The following COL16A1 variants were observed in gnomAD, a reference collection of about 807,000 sequenced individuals.
COL16A1 encodes the protein collagen type XVI alpha 1 chain.
In COL16A1, 189 loss-of-function variants were observed where a neutral mutation model predicts 266.3. The ratio of observed to expected loss-of-function variants is 0.71; its 90% confidence interval spans 0.63 to 0.80. The LOEUF (loss-of-function observed/expected upper bound fraction) is 0.80. COL16A1 is among the 30% of genes least tolerant of loss of function. COL16A1 has a pLI of 0.00. For missense variants in COL16A1, 1,928 were observed against 2,122.4 expected, an observed-to-expected ratio of 0.91 and a Z score of 1.80; for synonymous variants, 740 against 782.3, an observed-to-expected ratio of 0.95 and a Z score of 0.90.
In COL16A1 at chr1:31,662,381, C is replaced by G. The variant is rs542852379; in HGVS notation, c.3634G>C (p.Ala1212Pro). The G allele has an allele frequency of 1.2e-6, 2 of 1,612,312 alleles. No homozygotes were observed. Among genetic ancestry groups the G allele is most frequent in the Non-Finnish European group, 8.5e-7 (1 of 1,179,294 alleles). The change falls in exon 58 of 71, where the codon GCC becomes CCC. Residue 1212 changes from alanine (A) to proline (P), a missense_variant. This residue lies in a region of COL16A1 where 1,552 missense variants were observed against 1,637.2 expected (regional missense o/e 0.95). Transcript: ENST00000373672. ...PPGPPGIQGPAGLDGLDGKDG... is the reference protein window; with the variant it reads ...PPGPPGIQGPPGLDGLDGKDG... ...TTCCCATCCAAACCATCCAGACCGGCGGGGCCCTGGAAACAGGAAAGAGGC... is the reference window on the plus strand; with the variant it reads ...TTCCCATCCAAACCATCCAGACCGGGGGGGCCCTGGAAACAGGAAAGAGGC...
intron 37 of COL16A1, 111 bp from the exon 38 acceptor site, chr1:31,681,178 G>A (rs1464855560): frequency 6.9e-7 from 1 of 1,440,230 alleles, no homozygotes; most frequent in Non-Finnish European, 9.2e-7. Flanking sequence ...GGTTCCCCTG[G>A]AGCCCAGGGC....
chr1:31,679,331 T>C, intron 42 of COL16A1: 2 of 1,361,150 alleles, frequency 1.5e-6, no homozygotes, highest in Non-Finnish European at 2.0e-6. Flanking sequence ...TGAATGCTAC[T>C]CCAAAACAGT....
chr1:31,688,670 GA>G lies in COL16A1; in HGVS notation c.1768-169del. 7.9e-6 allele frequency: 9 copies of G among 1,139,014 alleles called. No individual in the cohort carries two copies. The highest frequency in any genetic ancestry group is 1.2e-5 in the Non-Finnish European group (9 of 773,976). The allele number at this position is 1,139,014 out of a possible 1,614,324, so 70.6% of individuals were successfully genotyped here. On this transcript the variant is annotated intron_variant, in intron 25 of 70. Coordinates refer to ENST00000373672, the MANE Select transcript of COL16A1 (RefSeq NM_001856.4). This position sits in a 1 kb window ranked among gnomAD's most constrained non-coding sequence, Gnocchi z 4.9. ...CAACTGAAGCTAGAGGTGCTAAGAG[GA>G]AGTTCCAGGGCAAGGAGCCTGGGGC...
At chr1:31,661,570 C>T in intron 59 of COL16A1, 90 bp downstream of exon 59, 1 of 1,611,972 alleles carries the variant, frequency 6.2e-7, no homozygotes, top group Non-Finnish European at 8.5e-7. Flanking sequence ...ATAACACGGT[C>T]CACGGAGGAT....
Position 31,661,909 on chromosome 1 carries a change from T to C in COL16A1, c.3682-205A>G, listed in dbSNP as rs542419539. 9.4e-6 allele frequency: 6 copies of C among 639,976 alleles called. No individual in the cohort carries two copies. The South Asian group carries it at 1.0e-4, about 11-fold the overall frequency. 39.6% of individuals were successfully genotyped at this position (639,976 alleles called of 1,614,324 possible). On this transcript the variant is annotated intron_variant, in intron 58 of 70. Transcript: ENST00000373672. Reference sequence around the variant, plus strand: ...GCCTTAGCTTTCCTTCTTTGGGATATATAAGGGGGTTGACTTTGATGTTCT... The same window carrying C: ...GCCTTAGCTTTCCTTCTTTGGGATACATAAGGGGGTTGACTTTGATGTTCT...
chr1:31,688,163 G>C lies in COL16A1; in HGVS notation c.1803+304C>G, dbSNP rs1251040477. Among the ~76,000 whole-genome samples, 1 of 152,132 alleles carries C rather than the reference G, an allele frequency of 6.6e-6. No homozygotes were observed. Among genetic ancestry groups the C allele is most frequent in the Admixed American group, 6.5e-5 (1 of 15,274 alleles). ...ATATACTTACAAGATTTGGAATAGT[G>C]CCCGGCACATCATAAGCAATAAAGA... On this transcript the variant is annotated intron_variant, in intron 26 of 70. Transcript: ENST00000373672. This position sits in a 1 kb window ranked among gnomAD's most constrained non-coding sequence, Gnocchi z 4.9.
chr1:31,676,182 G>T (rs7540151), intron 42 of COL16A1, among the ~76,000 whole-genome samples: 1 of 152,120 alleles, frequency 6.6e-6, no homozygotes, highest in African/African-American at 2.4e-5. Flanking sequence ...AAAGTTAGCA[G>T]GGCATGGTGG....
intron 16 of COL16A1, 81 bp from the exon 17 acceptor site, chr1:31,692,148 C>T: frequency 6.3e-7 from 1 of 1,597,738 alleles, no homozygotes; most frequent in Non-Finnish European, 8.6e-7. Context: ...GGAGGGACAA[C>T]TGCCTTCTAG....
chr1:31,654,757 C>T, intron 68 of COL16A1, 35 bp downstream of exon 68: 2 of 1,613,824 alleles, frequency 1.2e-6, no homozygotes, highest in Non-Finnish European at 1.7e-6. Context: ...GAAGGGCAGA[C>T]AGCACCCACT....
rs1473987748 is a variant in COL16A1, at chr1:31,656,824, A to T, written c.4056+209T>A. 5.4e-4 allele frequency: 57 copies of T among 105,190 alleles called. No individual in the cohort carries two copies. Among genetic ancestry groups the T allele is most frequent in the African/African-American group, 2.1e-3 (40 of 18,860 alleles). 6.5% of individuals were successfully genotyped at this position (105,190 alleles called of 1,614,324 possible). On this transcript the variant is annotated intron_variant, in intron 65 of 70. Transcript: ENST00000373672. This position sits in a 1 kb window ranked among gnomAD's most constrained non-coding sequence, Gnocchi z 4.2. Reference sequence around the variant, plus strand: ...TTCTTTTTGACCAGGTACAGGGTTTAAAAAAAAAAAAAAAAAGGTAAAACA... The same window carrying T: ...TTCTTTTTGACCAGGTACAGGGTTTTAAAAAAAAAAAAAAAAGGTAAAACA...
Position 31,680,498 on chromosome 1 carries a change from C to T in COL16A1, c.2611-397G>A, listed in dbSNP as rs1219501202. On this transcript the variant is annotated intron_variant, in intron 39 of 70. Transcript: ENST00000373672. ...GGCCCAGCCTGGCTTCCATGCCCTT[C>T]GCTCGGGAGCCCCTCACCTCTCTGC... 9.2e-5 allele frequency among the ~76,000 whole-genome samples: 14 copies of T among 152,206 alleles called. 1 individual carries two copies. Among genetic ancestry groups the T allele is most frequent in the Admixed American group, 5.2e-4 (8 of 15,288 alleles).
intron 1 of COL16A1, among the ~76,000 whole-genome samples, chr1:31,702,689 A>G (rs1644763528): frequency 6.6e-6 from 1 of 152,182 alleles, no homozygotes; most frequent in African/African-American, 2.4e-5. Flanking sequence ...ATACCTTACT[A>G]GCGCACCCAG....
chr1:31,696,814 G>T, intron 8 of COL16A1, 149 bp downstream of exon 8: 1 of 1,312,562 alleles, frequency 7.6e-7, no homozygotes, highest in Non-Finnish European at 1.0e-6. Flanking sequence ...ATCATTTAGG[G>T]GTGGCGTACA....
At chr1:31,684,483 G>T in intron 31 of COL16A1, 40 bp downstream of exon 31, 1 of 1,585,528 alleles carries the variant, frequency 6.3e-7, no homozygotes, top group Non-Finnish European at 8.6e-7. Flanking sequence ...TTTTTTTTAT[G>T]CAACAAACTC....
At position 31,667,646 on chromosome 1, in the gene COL16A1, G is replaced by A. The variant is rs1642252909; in HGVS notation, c.3304-18C>T. On this transcript the variant is annotated intron_variant, in intron 51 of 70. Transcript: ENST00000373672. ...TTGATGCCCTGACAAGTGGCAAAGA[G>A]ACAGTGGAATTAGCCCCACAGAATT... 2 of 1,600,242 alleles carry A rather than the reference G, an allele frequency of 1.2e-6. No homozygotes were observed. The highest frequency in any genetic ancestry group is 1.3e-5 in the African/African-American group (1 of 74,700).
At chr1:31,679,984 C>A (rs1028492169) in intron 40 of COL16A1, 58 bp downstream of exon 40, 7 of 1,602,694 alleles carry the variant, frequency 4.4e-6, no homozygotes, top group Non-Finnish European at 5.1e-6. Context: ...GGGCACCAGA[C>A]GAGGCTGAAG....
At position 31,655,335 on chromosome 1, in the gene COL16A1, C is replaced by T; in HGVS notation, c.4269G>A (p.Leu1423=). The T allele has an allele frequency of 6.2e-7, 1 of 1,613,546 alleles. No individual in the cohort carries two copies. The part of the protein sequence containing the change: ...GAPGPSGSPG[L]PGVPGSMGDM... ...TTACCATGGAGCCAGGCACACCAGG[C>T]AAGCCAGGGCTCCCCGAAGGCCCCG... Residue 1423 remains leucine (L), a synonymous_variant, in exon 67 of 71, where the codon TTG becomes TTA. Transcript: ENST00000373672.
At chr1:31,654,951 C>T (rs904563641) in intron 67 of COL16A1, 93 bp from the exon 68 acceptor site, 3 of 1,469,878 alleles carry the variant, frequency 2.0e-6, no homozygotes, top group Non-Finnish European at 2.7e-6. Context: ...GGCAAAGGTC[C>T]CAGGAGCCTC....
chr1:31,666,666 A>G (rs1399948011), intron 52 of COL16A1, among the ~76,000 whole-genome samples: 4 of 151,766 alleles, frequency 2.6e-5, no homozygotes, highest in Non-Finnish European at 5.9e-5. Flanking sequence ...CTGTTCCTGC[A>G]GTGCCCCACC....
Sources: allele counts gnomAD v4.1 joint callset (sites outside exome capture counted in the v4.1 genomes callset), GRCh38; gene constraint gnomAD v4.1.1; regional missense constraint gnomAD v4.1.1; non-coding constraint Gnocchi (gnomAD v3.1); transcripts MANE v1.5; gene names NCBI Gene and HGNC (gene_info 2026-07-23, HGNC 2026-07-21).